CCSER1: variants seen among roughly 807,000 people sequenced by gnomAD.
The protein encoded by CCSER1 is serine-rich coiled-coil domain-containing protein 1.
Under a neutral mutation model 82.0 loss-of-function variants are expected in CCSER1, and 41 were observed. That is an observed-to-expected ratio of 0.50 (90% CI 0.39 to 0.65). CCSER1 has a LOEUF of 0.65. Ranked by LOEUF, CCSER1 falls within the 30% of genes least tolerant of loss-of-function variation. The pLI, the probability that CCSER1 is intolerant of heterozygous loss-of-function variation, is 0.00. For missense variants in CCSER1, 1,119 were observed against 1,064.2 expected (o/e 1.05, Z -0.72); for synonymous variants, 414 against 383.9 (o/e 1.08, Z -0.92).
At chr4:91,498,591 ATAAT>A (rs1414538349) in intron 10 of CCSER1, among the ~76,000 whole-genome samples, 7 of 151,778 alleles carry the variant, frequency 4.6e-5, no homozygotes, top group East Asian at 1.9e-4. Flanking sequence ...AAAAATAGTA[ATAAT>A]TAATAGGTTT....
At chr4:90,831,191 G>A (rs779009179) in intron 8 of CCSER1, among the ~76,000 whole-genome samples, 9 of 152,106 alleles carry the variant, frequency 5.9e-5, no homozygotes, top group African/African-American at 1.2e-4. Context: ...TGTGATATGC[G>A]AAGAGATGCC....
chr4:91,490,929 A>G (rs1022702089), intron 10 of CCSER1, among the ~76,000 whole-genome samples: 1 of 48,022 alleles, frequency 2.1e-5, no homozygotes, highest in African/African-American at 6.7e-5. Flanking sequence ...TATATATATA[A>G]AATATGCGTC....
intron 10 of CCSER1, among the ~76,000 whole-genome samples, chr4:91,263,444 A>G (rs1181523589): frequency 6.6e-6 from 1 of 151,928 alleles, no homozygotes; most frequent in Non-Finnish European, 1.5e-5. Context: ...GATTTTCCTA[A>G]ATATATATCA....
chr4:91,046,615 TCA>T (rs1220947812), intron 9 of CCSER1, among the ~76,000 whole-genome samples: 1 of 152,228 alleles, frequency 6.6e-6, no homozygotes, highest in Non-Finnish European at 1.5e-5. Context: ...CAGATCTCTT[TCA>T]TATTGTAGTT....
intron 7 of CCSER1, chr4:90,780,957 G>C (rs1753690291): frequency 3.4e-6 from 1 of 294,820 alleles, no homozygotes; most frequent in Non-Finnish European, 5.0e-6. Flanking sequence ...TGTGCTTCTG[G>C]GGAGGCCTCA....
chr4:90,815,526 A>ATG (rs113631267), intron 7 of CCSER1, among the ~76,000 whole-genome samples: 29,345 of 150,620 alleles, frequency 0.19, 3,461 homozygotes, highest in South Asian at 0.3. Context: ...GTGTGTGTGG[A>ATG]TGTGTGTGTG....
At chr4:91,152,345 C>T (rs918557815) in intron 10 of CCSER1, among the ~76,000 whole-genome samples, 4 of 152,124 alleles carry the variant, frequency 2.6e-5, no homozygotes. Flanking sequence ...TCCTCCATCC[C>T]CTTATTTTGA....
intron 1 of CCSER1, among the ~76,000 whole-genome samples, chr4:90,179,047 C>G (rs1026911477): frequency 6.6e-6 from 1 of 152,064 alleles, no homozygotes; most frequent in African/African-American, 2.4e-5. Flanking sequence ...TTCTGGAGAT[C>G]ATCAGACTTC....
intron 10 of CCSER1, among the ~76,000 whole-genome samples, chr4:91,469,374 T>C (rs542764520): frequency 6.6e-6 from 1 of 152,328 alleles, no homozygotes; most frequent in East Asian, 1.9e-4. Context: ...ACTACATGTA[T>C]TTCTACATAT....
At chr4:91,004,967 G>C in intron 9 of CCSER1, among the ~76,000 whole-genome samples, 1 of 152,144 alleles carries the variant, frequency 6.6e-6, no homozygotes, top group East Asian at 1.9e-4. Context: ...AAGGGAGAGT[G>C]GGAGCTTAGC....
At chr4:90,253,812 C>A (rs1016060644) in intron 1 of CCSER1, among the ~76,000 whole-genome samples, 3 of 152,044 alleles carry the variant, frequency 2.0e-5, no homozygotes, top group African/African-American at 4.8e-5. Flanking sequence ...TAGTTAGTCT[C>A]TTTTTGATTG....
intron 10 of CCSER1, among the ~76,000 whole-genome samples, chr4:91,533,924 C>T (rs1213701003): frequency 6.6e-6 from 1 of 151,816 alleles, no homozygotes; most frequent in Non-Finnish European, 1.5e-5. Context: ...CTGCTTCTTG[C>T]AGGAATATGC....
intron 10 of CCSER1, among the ~76,000 whole-genome samples, chr4:91,370,062 C>G (rs1022581422): frequency 1.3e-5 from 2 of 152,150 alleles, no homozygotes; most frequent in African/African-American, 2.4e-5. Flanking sequence ...AAAATTGATA[C>G]TAGTCTATTT....
At chr4:90,755,506 G>A (rs1341084761) in intron 7 of CCSER1, among the ~76,000 whole-genome samples, 1 of 152,046 alleles carries the variant, frequency 6.6e-6, no homozygotes, top group Non-Finnish European at 1.5e-5. Flanking sequence ...ACTTTATTCT[G>A]GCAGATGATA....
intron 10 of CCSER1, among the ~76,000 whole-genome samples, chr4:91,178,710 G>A (rs1393818418): frequency 6.6e-6 from 1 of 152,080 alleles, no homozygotes; most frequent in Non-Finnish European, 1.5e-5. Context: ...CTCTGCATGT[G>A]AGATGGGTCT....
intron 10 of CCSER1, among the ~76,000 whole-genome samples, chr4:91,151,215 G>C (rs111611105): frequency 1.3e-5 from 2 of 151,980 alleles, no homozygotes; most frequent in African/African-American, 4.8e-5. Flanking sequence ...CATTTGTCGA[G>C]GAATTTATCC....
chr4:90,761,431 G>A (rs1447768726), intron 7 of CCSER1, among the ~76,000 whole-genome samples: 1 of 152,094 alleles, frequency 6.6e-6, no homozygotes, highest in Non-Finnish European at 1.5e-5. Context: ...TAATACAGAA[G>A]TAAAGTTTTG....
At chr4:90,563,352 T>C (rs2153649055) in intron 5 of CCSER1, among the ~76,000 whole-genome samples, 1 of 150,998 alleles carries the variant, frequency 6.6e-6, no homozygotes. Flanking sequence ...CCTTGTGATT[T>C]GCCCGCCTCA....
chr4:90,788,851 CA>C (rs1313028981), intron 7 of CCSER1, among the ~76,000 whole-genome samples: 1 of 152,170 alleles, frequency 6.6e-6, no homozygotes, highest in Non-Finnish European at 1.5e-5. Flanking sequence ...CCTTGGTTTA[CA>C]GATAGTTCTC....
Sources: allele counts gnomAD v4.1 joint callset (sites outside exome capture counted in the v4.1 genomes callset), GRCh38; gene constraint gnomAD v4.1.1; transcripts MANE v1.5; gene names NCBI Gene and HGNC (gene_info 2026-07-23, HGNC 2026-07-21).